PRDM11: variants seen among roughly 807,000 people sequenced by gnomAD.
PRDM11 encodes PR domain-containing protein 11.
Under a neutral mutation model 97.8 loss-of-function variants are expected in PRDM11, and 20 were observed. The observed-to-expected ratio is 0.20, with a 90% CI of 0.14 to 0.30. PRDM11 has a LOEUF of 0.30. Among genes scored for constraint, PRDM11 ranks in the 10% least tolerant of loss-of-function variants. The pLI, the probability that PRDM11 is intolerant of heterozygous loss-of-function variation, is 1.00. For missense variants in PRDM11, 1,139 were observed against 1,555.2 expected (o/e 0.73, Z 4.50); for synonymous variants, 599 against 637.7 (o/e 0.94, Z 0.91).
At chr11:45,161,104 A>G (rs964508965) in intron 1 of PRDM11, among the ~76,000 whole-genome samples, 24 of 150,814 alleles carry the variant, frequency 1.6e-4, no homozygotes, top group African/African-American at 5.8e-4. Flanking sequence ...TCTGTGCCTT[A>G]GTTCTATCCT....
intron 5 of PRDM11, among the ~76,000 whole-genome samples, chr11:45,210,853 C>T (rs1000615774): frequency 2.0e-5 from 3 of 152,208 alleles, no homozygotes; most frequent in Non-Finnish European, 2.9e-5. Flanking sequence ...TTTCCTAAGT[C>T]TTAAGAGGAT....
At chr11:45,204,904 G>A (rs1346202047) in intron 5 of PRDM11, 126 bp downstream of exon 5, 2 of 994,444 alleles carry the variant, frequency 2.0e-6, no homozygotes, top group Non-Finnish European at 3.1e-6. Context: ...TGCAGGGTTT[G>A]GATGCATCTA....
intron 4 of PRDM11, among the ~76,000 whole-genome samples, chr11:45,198,418 A>G (rs2135781389): frequency 6.6e-6 from 1 of 152,356 alleles, no homozygotes; most frequent in East Asian, 1.9e-4. Context: ...GGAGCATTTG[A>G]GGTATGCCAA....
intron 4 of PRDM11, among the ~76,000 whole-genome samples, chr11:45,202,922 G>A (rs1853380383): frequency 6.6e-6 from 1 of 152,154 alleles, no homozygotes; most frequent in Non-Finnish European, 1.5e-5. Context: ...GGGCATCAAG[G>A]CTGCAGAAAA....
chr11:45,203,393 G>A (rs1853398245), intron 4 of PRDM11, among the ~76,000 whole-genome samples: 1 of 151,312 alleles, frequency 6.6e-6, no homozygotes, highest in Non-Finnish European at 1.5e-5. Flanking sequence ...AAAAATTCTG[G>A]GAATGAAAAA....
chr11:45,124,111 T>C (rs1385429192), intron 1 of PRDM11, among the ~76,000 whole-genome samples: 15 of 149,088 alleles, frequency 1.0e-4, no homozygotes, highest in African/African-American at 3.7e-4. Context: ...GAAGCAATTG[T>C]GAATGGGAGT....
At chr11:45,165,269 T>C (rs1852034607) in intron 1 of PRDM11, among the ~76,000 whole-genome samples, 1 of 152,160 alleles carries the variant, frequency 6.6e-6, no homozygotes, top group Non-Finnish European at 1.5e-5. Flanking sequence ...GGGCTGCTAA[T>C]GGGGTACTCC....
At chr11:45,132,893 C>A (rs1007878001) in intron 1 of PRDM11, among the ~76,000 whole-genome samples, 1 of 152,176 alleles carries the variant, frequency 6.6e-6, no homozygotes, top group South Asian at 2.1e-4. Context: ...AAAGATTGAG[C>A]AAAACCCAGG....
chr11:45,124,770 T>A (rs1347216646), intron 1 of PRDM11, among the ~76,000 whole-genome samples: 2 of 152,232 alleles, frequency 1.3e-5, no homozygotes, highest in African/African-American at 4.8e-5. Context: ...TTTGCATCAA[T>A]GTTCATCAAG....
intron 1 of PRDM11, among the ~76,000 whole-genome samples, chr11:45,109,408 G>C (rs934835188): frequency 6.6e-6 from 1 of 152,210 alleles, no homozygotes; most frequent in African/African-American, 2.4e-5. Flanking sequence ...GGATGTCGCA[G>C]GGCTATGTGA....
chr11:45,222,946 C>T (rs1436182062), intron 6 of PRDM11, among the ~76,000 whole-genome samples: 1 of 152,212 alleles, frequency 6.6e-6, no homozygotes, highest in African/African-American at 2.4e-5. Flanking sequence ...AGAGATTCCT[C>T]TGCCTTTTTA....
chr11:45,114,090 A>G (rs942556137), intron 1 of PRDM11, among the ~76,000 whole-genome samples: 3 of 152,012 alleles, frequency 2.0e-5, no homozygotes, highest in Non-Finnish European at 2.9e-5. Context: ...CCTTGTCCCA[A>G]TTCTCAGGGG....
chr11:45,186,663 G>A (rs1350186774), intron 4 of PRDM11, among the ~76,000 whole-genome samples: 1 of 152,164 alleles, frequency 6.6e-6, no homozygotes, highest in Admixed American at 6.5e-5. Context: ...GTCAGTGGGA[G>A]GTGAGGAAAG....
intron 1 of PRDM11, among the ~76,000 whole-genome samples, chr11:45,101,365 G>A (rs1034139245): frequency 1.3e-5 from 2 of 152,038 alleles, no homozygotes; most frequent in African/African-American, 4.8e-5. Flanking sequence ...AGACCATCCT[G>A]GCCAACATGG....
upstream of PRDM11, among the ~76,000 whole-genome samples, chr11:45,144,267 C>T (rs1590375857): frequency 6.6e-6 from 1 of 152,150 alleles, no homozygotes. Context: ...ATGCCTCAGG[C>T]GACAGGTTGG....
intron 5 of PRDM11, chr11:45,216,322 GC>G (rs34046670): frequency 0.23 from 35,279 of 152,110 alleles, 4,383 homozygotes; most frequent in South Asian, 0.3. Flanking sequence ...AAACCTCCTT[GC>G]AAAGAGCTGC....
intron 1 of PRDM11, among the ~76,000 whole-genome samples, chr11:45,120,173 A>G (rs1348858044): frequency 6.6e-6 from 1 of 152,224 alleles, no homozygotes. Flanking sequence ...AATTATCCAC[A>G]CTGAAGCACA....
intron 1 of PRDM11, among the ~76,000 whole-genome samples, chr11:45,180,499 C>G (rs1357707351): frequency 1.3e-5 from 2 of 151,842 alleles, no homozygotes; most frequent in African/African-American, 4.8e-5. Context: ...CCCTGGAATG[C>G]GTCCACCGCC....
At chr11:45,195,838 A>C (rs1217014813) in intron 4 of PRDM11, among the ~76,000 whole-genome samples, 2 of 152,036 alleles carry the variant, frequency 1.3e-5, no homozygotes, top group African/African-American at 4.8e-5. Context: ...GGCCTCCCAA[A>C]GTGCTGGGGT....
Sources: allele counts gnomAD v4.1 joint callset (sites outside exome capture counted in the v4.1 genomes callset), GRCh38; gene constraint gnomAD v4.1.1; transcripts MANE v1.5; gene names NCBI Gene and HGNC (gene_info 2026-07-23, HGNC 2026-07-21).